The following CD300A variants were observed in gnomAD, a reference collection of about 807,000 sequenced individuals.
The protein encoded by CD300A is CD300a molecule, also known as CMRF35-like molecule 8.
In CD300A, 22 loss-of-function variants were observed where a neutral mutation model predicts 33.6. The observed-to-expected ratio is 0.66, with a 90% confidence interval of 0.47 to 0.94. The LOEUF (loss-of-function observed/expected upper bound fraction) is 0.94, where lower values mean the gene tolerates loss of function less well. Ranked by LOEUF, CD300A falls within the 40% of genes least tolerant of loss-of-function variation. CD300A has a pLI of 0.00. For synonymous variants in CD300A, 136 were observed against 148.1 expected (o/e 0.92, Z 0.59); for missense variants, 326 against 360.5 (o/e 0.90, Z 0.77).
chr17:74,483,603 C>T (rs1049060121), intron 6 of CD300A, among the ~76,000 whole-genome samples: 3 of 152,108 alleles, frequency 2.0e-5, no homozygotes, highest in Admixed American at 6.5e-5. Flanking sequence ...GTGATCCACC[C>T]GCCTTGGCCT....
At chr17:74,476,457 C>G (rs1906468051) in intron 3 of CD300A, among the ~76,000 whole-genome samples, 1 of 152,110 alleles carries the variant, frequency 6.6e-6, no homozygotes, top group Non-Finnish European at 1.5e-5. Context: ...TGTAGATACA[C>G]ATAGGTGGCA....
chr17:74,474,709 A>G (rs764579323), intron 3 of CD300A, 24 bp downstream of exon 3: 14 of 1,611,918 alleles, frequency 8.7e-6, no homozygotes, highest in African/African-American at 1.3e-5. Flanking sequence ...CCCCTGAGAC[A>G]TGGAGGGGGC....
chr17:74,481,252 C>G lies in CD300A; in HGVS notation c.629-37C>G, dbSNP rs754652151. 3.6e-5 allele frequency: 58 copies of G among 1,610,150 alleles called. No individual in the cohort carries two copies. In the South Asian group the frequency reaches 6.2e-4, roughly 17 times the overall value. ...AAGGTCCTCCATCCTGGCCATTGTT[C>G]CGGGATTCAACCTCCTTCCTCTCCT... On this transcript the variant is annotated intron_variant, in intron 4 of 6. Transcript: ENST00000360141.
At chr17:74,468,237 T>C (rs1905862174) in intron 1 of CD300A, among the ~76,000 whole-genome samples, 1 of 152,080 alleles carries the variant, frequency 6.6e-6, no homozygotes, top group Non-Finnish European at 1.5e-5. Flanking sequence ...TTTCTCCATG[T>C]TGGTCAGGCT....
chr17:74,477,845 G>A (rs1184026151), intron 4 of CD300A, among the ~76,000 whole-genome samples: 1 of 152,128 alleles, frequency 6.6e-6, no homozygotes, highest in African/African-American at 2.4e-5. Context: ...GTGTGCATCT[G>A]TAGTTCCAGC....
chr17:74,473,503 G>A, intron 1 of CD300A, 33 bp from the exon 2 acceptor site: 1 of 1,580,270 alleles, frequency 6.3e-7, no homozygotes, highest in African/African-American at 1.3e-5. Context: ...GCTCATCTGA[G>A]GAGGAGCTGG....
At position 74,470,338 on chromosome 17, in the gene CD300A, T is replaced by C. The variant is rs192730867; in HGVS notation, c.41-3198T>C. 7.3e-4 allele frequency: 492 copies of C among 674,660 alleles called. 1 individual carries two copies. In the African/African-American group the frequency reaches 8.9e-3, roughly 12 times the overall value. The allele number at this position is 674,660 out of a possible 1,614,324, so 41.8% of individuals were successfully genotyped here. On this transcript the variant is annotated intron_variant, in intron 1 of 6. Coordinates refer to ENST00000360141, the MANE Select transcript of CD300A (RefSeq NM_007261.4). The stretch of plus-strand genomic sequence containing the variant: ...GTGGAACAGAGCTTTGGGGAGATGA[T>C]TGGGTGACAGTTTTTTATCCAAGAT...
chr17:74,477,382 G>C, intron 3 of CD300A, 54 bp from the exon 4 acceptor site: 1 of 1,157,312 alleles, frequency 8.6e-7, no homozygotes, highest in Non-Finnish European at 1.3e-6. Flanking sequence ...AAATAAAAAA[G>C]TAAGTTGGAG....
intron 6 of CD300A, among the ~76,000 whole-genome samples, chr17:74,483,409 G>A (rs1907048205): frequency 6.7e-6 from 1 of 149,332 alleles, no homozygotes; most frequent in Non-Finnish European, 1.5e-5. Flanking sequence ...CCAGGCTGGA[G>A]AGCAGTGGTG....
Position 74,481,801 on chromosome 17 carries a change from C to A in CD300A, c.742C>A (p.Pro248Thr). The A allele has an allele frequency of 6.2e-7, 1 of 1,612,762 alleles. No homozygotes were observed. Among genetic ancestry groups the A allele is most frequent in the Non-Finnish European group, 8.5e-7 (1 of 1,179,660 alleles). The change falls in exon 6 of 7, where the codon CCA (proline) becomes ACA (threonine). Residue 248 changes from proline (P) to threonine (T), a missense_variant. Physicochemically the swap from Pro to Thr is conservative, Grantham distance 38. Coordinates refer to ENST00000360141, the MANE Select transcript of CD300A (RefSeq NM_007261.4). ...MWPLQEKPAP[P>T]REVEVEYSTV... is the part of the protein sequence containing the mutation. ...GCCTCTGCAGGAAAAGCCAGCACCACCAAGGGAGGTGGAGGTGGAATACAG... is the reference window on the plus strand; with the variant it reads ...GCCTCTGCAGGAAAAGCCAGCACCAACAAGGGAGGTGGAGGTGGAATACAG...
At chr17:74,469,964 GTTCT>G in intron 1 of CD300A, 1 of 985,370 alleles carries the variant, frequency 1.0e-6, no homozygotes, top group Non-Finnish European at 1.2e-6. Context: ...AGATGACCTG[GTTCT>G]TTCTGTGTTG....
At chr17:74,481,665 A>G in intron 5 of CD300A, 61 bp from the exon 6 acceptor site, 1 of 1,203,854 alleles carries the variant, frequency 8.3e-7, no homozygotes, top group Non-Finnish European at 1.2e-6. Context: ...ACATGCAGAG[A>G]CGCAGGGACA....
chr17:74,481,202 A>C, intron 4 of CD300A, 87 bp from the exon 5 acceptor site: 1 of 1,288,188 alleles, frequency 7.8e-7, no homozygotes, highest in Non-Finnish European at 1.1e-6. Context: ...GTCTCTAGGG[A>C]AAGGCCTTTT....
chr17:74,471,912 G>T (rs1166417541), intron 1 of CD300A, among the ~76,000 whole-genome samples: 1 of 152,104 alleles, frequency 6.6e-6, no homozygotes, highest in Non-Finnish European at 1.5e-5. Flanking sequence ...AGTCTCATGT[G>T]TGAGGAGATT....
At chr17:74,468,503 C>T (rs1487120757) in intron 1 of CD300A, among the ~76,000 whole-genome samples, 2 of 151,502 alleles carry the variant, frequency 1.3e-5, no homozygotes, top group Non-Finnish European at 2.9e-5. Context: ...CAGCTGGATT[C>T]TTAATTTTTT....
chr17:74,468,903 C>T (rs1444694209), intron 1 of CD300A, among the ~76,000 whole-genome samples: 1 of 152,182 alleles, frequency 6.6e-6, no homozygotes, highest in Non-Finnish European at 1.5e-5. Flanking sequence ...GGCAATCTGC[C>T]AGCCTTGGCC....
chr17:74,479,401 C>T (rs948493493), intron 4 of CD300A, among the ~76,000 whole-genome samples: 34 of 151,338 alleles, frequency 2.2e-4, no homozygotes, highest in Admixed American at 1.8e-3. Context: ...CTCACCACCA[C>T]GTCTGGCTAA....
chr17:74,474,861 G>A (rs1402422950), intron 3 of CD300A, among the ~76,000 whole-genome samples, 176 bp downstream of exon 3: 2 of 147,140 alleles, frequency 1.4e-5, no homozygotes, highest in Non-Finnish European at 3.0e-5. Context: ...GGCTTTGGAA[G>A]GGGGCTCAGG....
intron 1 of CD300A, 150 bp downstream of exon 1, chr17:74,466,893 C>CAGATGAAGGTCCACACCCCTGGG (rs1040784391): frequency 1.5e-5 from 22 of 1,491,316 alleles, no homozygotes; most frequent in Admixed American, 4.1e-5. Context: ...ATAAGATGGA[C>CAGATGAAGGTCCACACCCCTGGG]AGATGAAGGT....
Sources: allele counts gnomAD v4.1 joint callset (sites outside exome capture counted in the v4.1 genomes callset), GRCh38; gene constraint gnomAD v4.1.1; transcripts MANE v1.5; gene names NCBI Gene and HGNC (gene_info 2026-07-23, HGNC 2026-07-21).